The following GLIS3 variants were observed in gnomAD, a reference collection of about 807,000 sequenced individuals.
GLIS3 encodes the protein GLIS family zinc finger 3.
In GLIS3, 53 loss-of-function variants were observed where a neutral mutation model predicts 78.6. The ratio of observed to expected loss-of-function variants is 0.67; its 90% CI spans 0.54 to 0.85. The LOEUF (loss-of-function observed/expected upper bound fraction) is 0.85, where lower values mean the gene tolerates loss of function less well. Ranked by LOEUF, GLIS3 falls within the 40% of genes least tolerant of loss-of-function variation. The probability of loss-of-function intolerance (pLI) is 0.00; values close to 1 mark genes in which losing one functional copy is unlikely to be tolerated. For synonymous variants in GLIS3, 684 were observed against 509.9 expected, an observed-to-expected ratio of 1.34 and a Z score of -4.60; for missense variants, 1,703 against 1,231.1, an observed-to-expected ratio of 1.38 and a Z score of -5.74.
chr9:4,424,797 T>G, the GLIS3 span, among the ~76,000 whole-genome samples: 2 of 152,170 alleles, frequency 1.3e-5, no homozygotes, highest in Admixed American at 6.5e-5. Context: ...CTTAAACTTC[T>G]GGGCTCAAGT....
chr9:4,335,318 G>A (rs986139774), intron 2 of GLIS3, among the ~76,000 whole-genome samples: 4 of 152,156 alleles, frequency 2.6e-5, no homozygotes, highest in Non-Finnish European at 5.9e-5. Flanking sequence ...GTGAAATGAA[G>A]CCCTAAGCCA....
Position 4,118,562 on chromosome 9 carries a change from A to G in GLIS3, c.916T>C (p.Ser306Pro). ...ARSKKRALSL[S>P]PLSDGIGIDF... is the part of the protein sequence containing the mutation. ...ATCCCGATGCCATCGGACAGCGGGG[A>G]CAAGGACAGCGCTCTCTTCTTGGAG... The change falls in exon 4 of 11, where the codon TCC becomes CCC. Residue 306 changes from serine (S) to proline (P), a missense_variant. By Grantham distance (74) the Ser-to-Pro change is moderately conservative. Coordinates refer to ENST00000381971, the MANE Select transcript of GLIS3 (RefSeq NM_001042413.2). The surrounding 1 kb of genome is among the most constrained non-coding windows in gnomAD (Gnocchi z 4.7). 3.1e-6 allele frequency: 5 copies of G among 1,614,198 alleles called. No individual in the cohort carries two copies. The highest frequency in any genetic ancestry group is 3.4e-6 in the Non-Finnish European group (4 of 1,180,028).
chr9:4,472,715 C>T, the GLIS3 span, among the ~76,000 whole-genome samples: 1 of 152,112 alleles, frequency 6.6e-6, no homozygotes, highest in East Asian at 1.9e-4. Flanking sequence ...ATGTAACAAA[C>T]CTGCACGTTG....
the GLIS3 span, among the ~76,000 whole-genome samples, chr9:4,474,985 A>ATTTTTTTTTTTTTT: frequency 3.8e-4 from 44 of 114,508 alleles, 7 homozygotes; most frequent in African/African-American, 8.0e-4. Context: ...GACTATGTTA[A>ATTTTTTTTTTTTTT]TTTTTTTTTC....
the GLIS3 span, among the ~76,000 whole-genome samples, chr9:4,369,087 G>A: frequency 1.3e-5 from 2 of 152,116 alleles, no homozygotes; most frequent in African/African-American, 2.4e-5. Flanking sequence ...GTACTTAGAT[G>A]CTTTCTTATT....
At chr9:4,167,411 A>G (rs754337096) in intron 2 of GLIS3, among the ~76,000 whole-genome samples, 1 of 152,152 alleles carries the variant, frequency 6.6e-6, no homozygotes, top group Non-Finnish European at 1.5e-5. Flanking sequence ...AGCCACTACT[A>G]TGTGCCAGAT....
chr9:4,289,647 C>T (rs1828283777), intron 1 of GLIS3, among the ~76,000 whole-genome samples: 4 of 152,066 alleles, frequency 2.6e-5, no homozygotes, highest in Admixed American at 2.6e-4. Context: ...TACTCTACCC[C>T]AGGCTACCAG....
At chr9:3,967,035 A>C (rs945676646) in intron 4 of GLIS3, among the ~76,000 whole-genome samples, 4 of 80,414 alleles carry the variant, frequency 5.0e-5, no homozygotes, top group Non-Finnish European at 7.8e-5. Context: ...AAAAAAAAAC[A>C]AAAAAACATT....
At chr9:3,963,947 C>A (rs1817747321) in intron 4 of GLIS3, among the ~76,000 whole-genome samples, 1 of 152,116 alleles carries the variant, frequency 6.6e-6, no homozygotes. Flanking sequence ...ACCGGTTAAA[C>A]TGGACACTTT....
chr9:4,461,522 C>T, the GLIS3 span, among the ~76,000 whole-genome samples: 1 of 152,182 alleles, frequency 6.6e-6, no homozygotes, highest in African/African-American at 2.4e-5. Flanking sequence ...CTCAAATTTT[C>T]AAAACGATTA....
chr9:3,949,670 G>A (rs1401329580), intron 4 of GLIS3, among the ~76,000 whole-genome samples: 1 of 152,178 alleles, frequency 6.6e-6, no homozygotes, highest in Admixed American at 6.5e-5. Context: ...TGTTTTCGAA[G>A]TTCCCATAAT....
At chr9:4,074,239 C>G (rs890259595) in intron 4 of GLIS3, among the ~76,000 whole-genome samples, 1 of 152,170 alleles carries the variant, frequency 6.6e-6, no homozygotes, top group African/African-American at 2.4e-5. Flanking sequence ...GTCCCCAAAC[C>G]ATAGTTTGGG....
At chr9:4,466,087 A>G in the GLIS3 span, among the ~76,000 whole-genome samples, 1 of 152,210 alleles carries the variant, frequency 6.6e-6, no homozygotes, top group African/African-American at 2.4e-5. Context: ...ATATGAAGAG[A>G]AGACACAAAT....
At chr9:3,845,745 A>ACACACC (rs1818995123) in intron 9 of GLIS3, among the ~76,000 whole-genome samples, 1 of 152,144 alleles carries the variant, frequency 6.6e-6, no homozygotes, top group Admixed American at 6.5e-5. Flanking sequence ...GCACGCACAC[A>ACACACC]CACACCCACA....
intron 4 of GLIS3, among the ~76,000 whole-genome samples, chr9:4,087,100 A>T (rs1336151718): frequency 1.3e-5 from 2 of 152,208 alleles, no homozygotes; most frequent in South Asian, 2.1e-4. Context: ...AAAAGGAATA[A>T]CTATATTTGT....
In GLIS3 at chr9:4,159,030, G is replaced by GAAAAA. The variant is rs141412126; in HGVS notation, c.389-33090_389-33089insTTTTT. Among the ~76,000 whole-genome samples the GAAAAA allele has an allele frequency of 1.6e-3, 123 of 78,942 alleles. 18 individuals are homozygous for GAAAAA. The highest frequency in any genetic ancestry group is 1.9e-3 in the Admixed American group (13 of 6,992). The allele number at this position is 78,942 out of a possible 152,430, so 51.8% of individuals were successfully genotyped here. A position where few individuals can be genotyped will look rare whatever the true frequency, so the allele number is the denominator to read the frequency against. On this transcript the variant is annotated intron_variant, in intron 2 of 10. Transcript: ENST00000381971. ...GCTTGGTATGCTAGAGAAAGGAGAA[G>GAAAAA]AAGAAAAAAAAAAAAAAAAGCCAGG... is the stretch of plus-strand genomic sequence containing the variant.
intron 9 of GLIS3, 131 bp downstream of exon 9, chr9:3,855,878 A>G: frequency 1.0e-6 from 1 of 991,138 alleles, no homozygotes; most frequent in Non-Finnish European, 1.6e-6. Context: ...GTGAAATTTT[A>G]GAGGCAAGTC....
the GLIS3 span, among the ~76,000 whole-genome samples, chr9:4,422,420 T>C: frequency 5.9e-5 from 9 of 152,306 alleles, no homozygotes; most frequent in East Asian, 1.7e-3. Context: ...AAAAAGTCCA[T>C]GTATGTGAGA....
chr9:3,854,122 T>A (rs1468254816), intron 9 of GLIS3, among the ~76,000 whole-genome samples: 1 of 152,180 alleles, frequency 6.6e-6, no homozygotes. Flanking sequence ...GTGGTGAGGA[T>A]GGCTTCATGG....
Sources: allele counts gnomAD v4.1 joint callset (sites outside exome capture counted in the v4.1 genomes callset), GRCh38; gene constraint gnomAD v4.1.1; non-coding constraint Gnocchi (gnomAD v3.1); transcripts MANE v1.5; gene names NCBI Gene and HGNC (gene_info 2026-07-23, HGNC 2026-07-21).